Variants in MCM4 observed in about 807,000 individuals in gnomAD.
The protein encoded by MCM4 is DNA replication licensing factor MCM4.
In MCM4, 60 loss-of-function variants were observed where a neutral mutation model predicts 88.7. The ratio of observed to expected loss-of-function variants is 0.68; its 90% confidence interval spans 0.55 to 0.84. The LOEUF is 0.84. Among genes scored for constraint, MCM4 ranks in the 40% least tolerant of loss-of-function variants. MCM4 has a pLI of 0.00. For missense variants in MCM4, 1,149 were observed against 1,105.5 expected, an observed-to-expected ratio of 1.04 and a Z score of -0.56; for synonymous variants, 465 against 410.5, an observed-to-expected ratio of 1.13 and a Z score of -1.61.
chr8:47,974,672 C>T, intron 14 of MCM4, 62 bp from the exon 15 acceptor site: 1 of 1,373,810 alleles, frequency 7.3e-7, no homozygotes, highest in South Asian at 1.2e-5. Context: ...AAAATTCACC[C>T]ACAAAACTAA....
At position 47,966,312 on chromosome 8, in the gene MCM4, G is replaced by A. The variant is rs777620761; in HGVS notation, c.958G>A (p.Gly320Ser). The change falls in exon 9 of 17, where the codon GGC becomes AGC. Residue 320 changes from glycine (G) to serine (S), a missense_variant. This residue lies in a region of MCM4 where 906 missense variants were observed against 843.0 expected (regional missense o/e 1.07). Coordinates refer to ENST00000649973, the MANE Select transcript of MCM4 (RefSeq NM_182746.3). The stretch of plus-strand genomic sequence containing the variant: ...CACGACCCGGGTGGAGATGGACCGC[G>A]GCCGCATTGCAGAGCCCAGTGTGTG... The part of the protein sequence containing the change: ...AHTTRVEMDR[G>S]RIAEPSVCGR... 21 of 1,613,900 alleles carry A rather than the reference G, an allele frequency of 1.3e-5. No individual in the cohort carries two copies. The highest frequency in any genetic ancestry group is 1.6e-4 in the Middle Eastern group (1 of 6,084).
chr8:47,971,619 G>A (rs1395055299), intron 13 of MCM4, 151 bp downstream of exon 13: 7 of 772,536 alleles, frequency 9.1e-6, no homozygotes, highest in African/African-American at 1.8e-5. Flanking sequence ...TCACGACAAG[G>A]ATGATGTGTG....
chr8:47,961,813 T>A, intron 3 of MCM4, 133 bp downstream of exon 3: 1 of 1,224,718 alleles, frequency 8.2e-7, no homozygotes, highest in Non-Finnish European at 1.1e-6. Flanking sequence ...AGCATGTTCT[T>A]AACCAGAGGA....
chr8:47,969,303 G>C (rs748133176), intron 10 of MCM4: 1 of 155,942 alleles, frequency 6.4e-6, no homozygotes, highest in Non-Finnish European at 1.4e-5. Flanking sequence ...TCGTCACCCA[G>C]GCTGGAGTCC....
Position 47,967,358 on chromosome 8 carries a change from C to A in MCM4, c.1054-7C>A. On this transcript the variant is annotated splice_polypyrimidine_tract_variant and splice_region_variant and intron_variant, in intron 9 of 16. Transcript: ENST00000649973. Reference sequence around the variant, plus strand: ...GGCCCACATGTTCTCTGTTTGCTGACCTTCAGATCAAGCTTCAGGAGTCTC... The same window carrying A: ...GGCCCACATGTTCTCTGTTTGCTGAACTTCAGATCAAGCTTCAGGAGTCTC... 6.2e-7 allele frequency: 1 copy of A among 1,614,086 alleles called. No homozygotes were observed. The highest frequency in any genetic ancestry group is 1.1e-5 in the South Asian group (1 of 91,048).
chr8:47,966,462 A>G, intron 9 of MCM4, 55 bp downstream of exon 9: 1 of 1,498,600 alleles, frequency 6.7e-7, no homozygotes. Flanking sequence ...TATCCTCAAA[A>G]GGCCAACTAT....
intron 10 of MCM4, among the ~76,000 whole-genome samples, chr8:47,968,804 C>T (rs1171283681): frequency 6.6e-6 from 1 of 152,178 alleles, no homozygotes; most frequent in Non-Finnish European, 1.5e-5. Context: ...CAGGAATCAG[C>T]CTGGAGTTAA....
At position 47,977,418 on chromosome 8, in the gene MCM4, A is replaced by G. The variant is rs1034414308; in HGVS notation, c.*640A>G. ...TTGTGTGCTGGACTTTCTCATGGCCATCATCAGTATGCTTATGGATTTGAT... is the reference window on the plus strand; with the variant it reads ...TTGTGTGCTGGACTTTCTCATGGCCGTCATCAGTATGCTTATGGATTTGAT... On this transcript the variant is annotated 3_prime_UTR_variant, in exon 17 of 17. Coordinates refer to ENST00000649973, the MANE Select transcript of MCM4 (RefSeq NM_182746.3). The G allele has an allele frequency of 3.9e-5, 6 of 152,292 alleles. No homozygotes were observed. The highest frequency in any genetic ancestry group is 1.4e-4 in the African/African-American group (6 of 41,446). 9.4% of individuals were successfully genotyped at this position (152,292 alleles called of 1,614,324 possible).
At chr8:47,962,723 C>G in intron 5 of MCM4, 41 bp from the exon 6 acceptor site, 1 of 1,215,816 alleles carries the variant, frequency 8.2e-7, no homozygotes, top group Non-Finnish European at 1.2e-6. Flanking sequence ...TGCCTGTTCC[C>G]AAATGCTATA....
At chr8:47,964,531 C>G (rs375241926) in intron 7 of MCM4, 43 bp from the exon 8 acceptor site, 3 of 1,481,424 alleles carry the variant, frequency 2.0e-6, no homozygotes, top group Non-Finnish European at 2.7e-6. Flanking sequence ...ATATTTAACA[C>G]TGAGATATGA....
intron 1 of MCM4, 50 bp downstream of exon 1, chr8:47,961,064 C>G: frequency 7.0e-7 from 1 of 1,424,576 alleles, no homozygotes; most frequent in Non-Finnish European, 9.3e-7. Context: ...ACGGGAACGT[C>G]CGCGCTGCGG....
At chr8:47,975,521 T>C (rs1418694580) in intron 15 of MCM4, 194 bp from the exon 16 acceptor site, 4 of 431,762 alleles carry the variant, frequency 9.3e-6, no homozygotes, top group Non-Finnish European at 1.6e-5. Flanking sequence ...CACAGATGTG[T>C]AGACTGTTAA....
intron 7 of MCM4, among the ~76,000 whole-genome samples, 175 bp downstream of exon 7, chr8:47,963,215 C>T (rs1056572500): frequency 2.0e-5 from 3 of 152,154 alleles, no homozygotes; most frequent in African/African-American, 7.2e-5. Context: ...CACTTTAGGA[C>T]GCCGAGGCAA....
rs927514716 is a variant in MCM4, at chr8:47,961,222, C to T, written c.70+8C>T. On this transcript the variant is annotated splice_region_variant and intron_variant, in intron 2 of 16. Coordinates refer to ENST00000649973, the MANE Select transcript of MCM4 (RefSeq NM_182746.3). Reference sequence around the variant, plus strand: ...CCACCCCCGCCCAGACGCGTGAGTCCCCCGAGCCGGGCCCACTACAGCCCC... The same window carrying T: ...CCACCCCCGCCCAGACGCGTGAGTCTCCCGAGCCGGGCCCACTACAGCCCC... 2 of 1,500,694 alleles carry T rather than the reference C, an allele frequency of 1.3e-6. No homozygotes were observed. Among genetic ancestry groups the T allele is most frequent in the Non-Finnish European group, 1.8e-6 (2 of 1,132,794 alleles). The allele number at this position is 1,500,694 out of a possible 1,614,324, so 93.0% of individuals were successfully genotyped here.
chr8:47,966,042 C>A (rs1020843836), intron 8 of MCM4, 145 bp from the exon 9 acceptor site: 12 of 656,272 alleles, frequency 1.8e-5, no homozygotes, highest in Admixed American at 1.4e-4. Flanking sequence ...TGAGAGTCTC[C>A]TGAAGACATA....
chr8:47,974,378 CTA>C (rs1321912126), intron 14 of MCM4: 2 of 246,054 alleles, frequency 8.1e-6, no homozygotes, highest in Non-Finnish European at 1.6e-5. Context: ...CTGATTCTCC[CTA>C]TGAGTGCTCA....
intron 13 of MCM4, 52 bp from the exon 14 acceptor site, chr8:47,972,805 C>T: frequency 6.8e-7 from 1 of 1,478,170 alleles, no homozygotes; most frequent in South Asian, 1.2e-5. Flanking sequence ...GATCCACCTG[C>T]CTCGGCCTCA....
rs761542901 is a variant in MCM4 at position 47,975,866 on chromosome 8, T to C, written c.2499+18T>C. ...CTGACATAGTAAGTGTTTATATGTA[T>C]TTTTTGTTTGATAGAGCTTTCTCTT... On this transcript the variant is annotated intron_variant, in intron 16 of 16. Coordinates refer to ENST00000649973, the MANE Select transcript of MCM4 (RefSeq NM_182746.3). The C allele has an allele frequency of 3.4e-6, 5 of 1,466,194 alleles. No individual in the cohort carries two copies. Among genetic ancestry groups the C allele is most frequent in the Non-Finnish European group, 2.7e-6 (3 of 1,110,698 alleles). The allele number at this position is 1,466,194 out of a possible 1,614,324, so 90.8% of individuals were successfully genotyped here.
rs557349481 is a variant in MCM4, at chr8:47,963,040, G to A, written c.693G>A (p.Gln231=). 93 of 1,560,242 alleles carry A rather than the reference G, an allele frequency of 6.0e-5. No homozygotes were observed. The highest frequency in any genetic ancestry group is 1.7e-4 in the Middle Eastern group (1 of 5,816). Residue 231 remains glutamine (Q), a splice_region_variant and synonymous_variant, in exon 7 of 17, where the codon CAG becomes CAA. Transcript: ENST00000649973. ...NLYRQLISYP[Q]EVIPTFDMAV... ...ACAGACAACTCATCTCTTACCCACA[G>A]GTAAGAATTTAGCTTTGACCTTGAT... is the stretch of plus-strand genomic sequence containing the variant.
Sources: allele counts gnomAD v4.1 joint callset (sites outside exome capture counted in the v4.1 genomes callset), GRCh38; gene constraint gnomAD v4.1.1; regional missense constraint gnomAD v4.1.1; transcripts MANE v1.5; gene names NCBI Gene and HGNC (gene_info 2026-07-23, HGNC 2026-07-21).